Variants in COL18A1 observed in about 807,000 individuals in gnomAD.
COL18A1 encodes the protein collagen type XVIII alpha 1 chain, also known as collagen alpha-1(XVIII) chain.
COL18A1 carries 133 observed loss-of-function variants against 168.0 expected under a neutral mutation model. The observed-to-expected ratio is 0.79, with a 90% CI of 0.69 to 0.91. The LOEUF (loss-of-function observed/expected upper bound fraction) is 0.91, where lower values mean the gene tolerates loss of function less well. Ranked by LOEUF, COL18A1 falls within the 40% of genes least tolerant of loss-of-function variation. COL18A1 has a pLI of 0.00. For missense variants in COL18A1, 2,126 were observed against 1,925.4 expected, an observed-to-expected ratio of 1.10 and a Z score of -1.95; for synonymous variants, 949 against 809.0, an observed-to-expected ratio of 1.17 and a Z score of -2.94.
intron 2 of COL18A1, among the ~76,000 whole-genome samples, chr21:45,454,339 G>A (rs1288475556): frequency 1.3e-5 from 2 of 152,152 alleles, no homozygotes; most frequent in Admixed American, 1.3e-4. Flanking sequence ...CGTCACAGCT[G>A]CTGTCACATT....
intron 2 of COL18A1, among the ~76,000 whole-genome samples, chr21:45,414,069 C>A (rs924199608): frequency 6.6e-6 from 1 of 152,172 alleles, no homozygotes; most frequent in African/African-American, 2.4e-5. Context: ...GGAGGAGGAT[C>A]GGGAGGAGGA....
rs371808014 is a variant in COL18A1 at position 45,493,516 on chromosome 21, C to T, written c.2293C>T (p.Pro765Ser). The change falls in exon 26 of 42, where the codon CCG becomes TCG. Residue 765 changes from proline to serine, a missense_variant. Transcript: ENST00000651438. ...GCCATTCCAGGGTGAGAAGGGTGAA[C>T]CGGGCAGCATCTTCAGCCCCGACGG... ...SPGPKGEKGE[P>S]GSIFSPDGGA... 1.9e-6 allele frequency: 3 copies of T among 1,561,536 alleles called. No homozygotes were observed. Among genetic ancestry groups the T allele is most frequent in the Admixed American group, 1.9e-5 (1 of 52,382 alleles).
At chr21:45,467,094 CT>C (rs2035238660) in intron 2 of COL18A1, among the ~76,000 whole-genome samples, 1 of 152,262 alleles carries the variant, frequency 6.6e-6, no homozygotes, top group South Asian at 2.1e-4. Flanking sequence ...CCCTCTGCCC[CT>C]GGCCCAGACT....
In COL18A1 at chr21:45,497,644, G is replaced by A. The variant is rs2036588007; in HGVS notation, c.2666G>A (p.Gly889Asp). Residue 889 changes from glycine to aspartate, a missense_variant, in exon 32 of 42, where the codon GGC (glycine) becomes GAC (aspartate). By Grantham distance (94) the Gly-to-Asp change is moderately conservative. Coordinates refer to ENST00000651438, the MANE Select transcript of COL18A1 (RefSeq NM_001379500.1). ...CCCAAGGGCGCCAAAGGAGAAGTGGGCCCCCCCGGACCACCAGGTGAGCAA... is the reference window on the plus strand; with the variant it reads ...CCCAAGGGCGCCAAAGGAGAAGTGGACCCCCCCGGACCACCAGGTGAGCAA... Reference protein sequence around the residue: ...PGPKGAKGEVGPPGPPGQFPF... With the variant: ...PGPKGAKGEVDPPGPPGQFPF... The A allele has an allele frequency of 1.3e-6, 2 of 1,568,500 alleles. No homozygotes were observed. Among genetic ancestry groups the A allele is most frequent in the African/African-American group, 1.4e-5 (1 of 73,860 alleles).
At chr21:45,500,481 G>GT (rs2036733889) in intron 32 of COL18A1, among the ~76,000 whole-genome samples, 1 of 60,492 alleles carries the variant, frequency 1.7e-5, no homozygotes, top group Non-Finnish European at 3.3e-5. Context: ...GGTGTGGTTT[G>GT]GTGTGTTGCG....
intron 18 of COL18A1, 115 bp downstream of exon 18, chr21:45,488,559 G>A: frequency 1.3e-6 from 2 of 1,489,912 alleles, no homozygotes; most frequent in Non-Finnish European, 1.9e-6. Context: ...GGAGTAGGAT[G>A]AATTCATCCT....
chr21:45,452,347 ACT>A (rs758505787), intron 2 of COL18A1, among the ~76,000 whole-genome samples: 5 of 148,894 alleles, frequency 3.4e-5, no homozygotes, highest in South Asian at 2.1e-4. Flanking sequence ...ATGCATATGC[ACT>A]CTGTGACATG....
chr21:45,479,482 TACC>T (rs557434801), intron 9 of COL18A1, among the ~76,000 whole-genome samples: 19 of 152,010 alleles, frequency 1.2e-4, no homozygotes, highest in Middle Eastern at 6.8e-3. Flanking sequence ...CACATACACA[TACC>T]ACGTGTGCAC....
intron 2 of COL18A1, among the ~76,000 whole-genome samples, chr21:45,451,281 G>C (rs2034616853): frequency 6.6e-6 from 1 of 152,262 alleles, no homozygotes; most frequent in African/African-American, 2.4e-5. Context: ...ATCAGGGATA[G>C]AGCAGGGAGT....
At chr21:45,441,544 C>T (rs565504117) in intron 2 of COL18A1, among the ~76,000 whole-genome samples, 21 of 152,326 alleles carry the variant, frequency 1.4e-4, no homozygotes, top group African/African-American at 5.1e-4. Flanking sequence ...TCCAGTCCTG[C>T]TGCCCGGTGG....
At chr21:45,428,141 C>A (rs898013353) in intron 2 of COL18A1, among the ~76,000 whole-genome samples, 9 of 152,212 alleles carry the variant, frequency 5.9e-5, no homozygotes, top group South Asian at 2.1e-4. Context: ...GAGTGCTGTG[C>A]AGGTTGGGGT....
rs527505002 is a variant in COL18A1, at chr21:45,431,638, C to T, written c.106+26165C>T. On this transcript the variant is annotated intron_variant, in intron 2 of 41. Coordinates refer to ENST00000651438, the MANE Select transcript of COL18A1 (RefSeq NM_001379500.1). ...CACAGGAGGGTGGACTCATTCTGAC[C>T]GATTCCTGGAAGCCCCCGGAAAGTG... 1.2e-4 allele frequency among the ~76,000 whole-genome samples: 18 copies of T among 151,988 alleles called. No individual in the cohort carries two copies. The South Asian group carries it at 3.1e-3, about 26-fold the overall frequency.
intron 2 of COL18A1, chr21:45,456,802 CG>C: frequency 2.6e-6 from 4 of 1,538,662 alleles, no homozygotes; most frequent in East Asian, 2.5e-5. Context: ...GCCGCCTGGG[CG>C]GGGGCCGGCT....
At chr21:45,479,569 A>G (rs1052981322) in intron 9 of COL18A1, among the ~76,000 whole-genome samples, 57 of 146,410 alleles carry the variant, frequency 3.9e-4, no homozygotes, top group Non-Finnish European at 7.0e-4. Flanking sequence ...ACACATGTAC[A>G]CACCACACTC....
Position 45,500,172 on chromosome 21 carries a change from G to C in COL18A1, c.2683+2511G>C, listed in dbSNP as rs367575644. Reference sequence around the variant, plus strand: ...GTGTGCATGTGGGTGTGTAGTGTGGGGGTGTATAGTGTGGGTGTGTGTGGA... The same window carrying C: ...GTGTGCATGTGGGTGTGTAGTGTGGCGGTGTATAGTGTGGGTGTGTGTGGA... On this transcript the variant is annotated intron_variant, in intron 32 of 41. Coordinates refer to ENST00000651438, the MANE Select transcript of COL18A1 (RefSeq NM_001379500.1). 7.6e-5 allele frequency among the ~76,000 whole-genome samples: 11 copies of C among 144,698 alleles called. No homozygotes were observed. The East Asian group carries it at 1.6e-3, about 21-fold the overall frequency. The allele number at this position is 144,698 out of a possible 152,430, so 94.9% of individuals were successfully genotyped here.
rs1371238983 is a variant in COL18A1, at chr21:45,437,332, ACT to A, written c.107-30908_107-30907del. Reference sequence around the variant, plus strand: ...CAGGCACTCTCCTGCACACACACACACTCAGACACACAGGCACTCTCCTGCGC... The same window carrying A: ...CAGGCACTCTCCTGCACACACACACACAGACACACAGGCACTCTCCTGCGC... On this transcript the variant is annotated intron_variant, in intron 2 of 41. Transcript: ENST00000651438. 8.4e-5 allele frequency among the ~76,000 whole-genome samples: 9 copies of A among 107,224 alleles called. 1 individual carries two copies. The highest frequency in any genetic ancestry group is 6.3e-3 in the Middle Eastern group (1 of 158). The allele number at this position is 107,224 out of a possible 152,430, so 70.3% of individuals were successfully genotyped here.
chr21:45,482,857 C>T, intron 15 of COL18A1, 36 bp downstream of exon 15: 1 of 1,614,090 alleles, frequency 6.2e-7, no homozygotes, highest in Non-Finnish European at 8.5e-7. Context: ...AGTCCCCTGC[C>T]CCTGGTGCCC....
At chr21:45,494,459 G>C in intron 26 of COL18A1, 86 bp from the exon 27 acceptor site, 1 of 1,595,304 alleles carries the variant, frequency 6.3e-7, no homozygotes, top group Non-Finnish European at 8.6e-7. Context: ...CCACCTAACC[G>C]TGCCTTCGCC....
Position 45,509,584 on chromosome 21 carries a change from C to T in COL18A1, c.3478C>T (p.Arg1160Cys), listed in dbSNP as rs1198296938. ...RPTSPPAHSH[R>C]DFQPVLHLVA... ...CACAAGCCCACCCGCCCACAGCCAC[C>T]GCGACTTCCAGCCGGTGGTGAGTGC... Residue 1160 changes from arginine (R) to cysteine (C), a missense_variant, in exon 39 of 42, where the codon CGC (arginine) becomes TGC (cysteine). Arg to Cys is a radical substitution (Grantham distance 180, BLOSUM62 -3). Transcript: ENST00000651438. 10 of 1,518,524 alleles carry T rather than the reference C, an allele frequency of 6.6e-6. No homozygotes were observed. The highest frequency in any genetic ancestry group is 2.8e-5 in the African/African-American group (2 of 71,704). 94.1% of individuals were successfully genotyped at this position (1,518,524 alleles called of 1,614,324 possible).
Sources: gnomAD v4.1 joint callset for allele counts (sites outside exome capture counted in the v4.1 genomes callset) on GRCh38, gnomAD v4.1.1 for gene constraint, MANE v1.5 for transcripts, NCBI Gene and HGNC (gene_info 2026-07-23, HGNC 2026-07-21) for gene names.